Variants in RFX3 observed in about 807,000 individuals in gnomAD.
RFX3 encodes regulatory factor X3, also known as transcription factor RFX3.
Under a neutral mutation model 98.6 loss-of-function variants are expected in RFX3, and 14 were observed. The observed-to-expected ratio is 0.14, with a 90% confidence interval of 0.09 to 0.22. RFX3 has a LOEUF of 0.22. Among genes scored for constraint, RFX3 ranks in the 10% least tolerant of loss-of-function variants. RFX3 has a pLI of 1.00. For synonymous variants in RFX3, 383 were observed against 328.4 expected (o/e 1.17, Z -1.80); for missense variants, 639 against 926.9 (o/e 0.69, Z 4.03).
In RFX3 at chr9:3,287,030, C is replaced by T. The variant is rs114455552; in HGVS notation, c.851+1101G>A. 7.4e-3 allele frequency among the ~76,000 whole-genome samples: 1,126 copies of T among 152,020 alleles called. 7 individuals carry two copies. Among genetic ancestry groups the T allele is most frequent in the African/African-American group, 0.025 (1,055 of 41,536 alleles). On this transcript the variant is annotated intron_variant, in intron 7 of 16. Transcript: ENST00000617270. ...AAGTTTTATTTTAGCACTTCCCAGA[C>T]TGTATTCCATTTTTTTTCCATTCTC...
At chr9:3,362,694 T>A (rs893323892) in intron 2 of RFX3, among the ~76,000 whole-genome samples, 1 of 152,212 alleles carries the variant, frequency 6.6e-6, no homozygotes, top group Admixed American at 6.5e-5. Context: ...AAGGCTAACA[T>A]AGCAGTAGGG....
At chr9:3,293,054 T>C (rs764913837) in intron 6 of RFX3, 23 bp downstream of exon 6, 2 of 1,568,156 alleles carry the variant, frequency 1.3e-6, no homozygotes, top group Non-Finnish European at 1.7e-6. Flanking sequence ...GATTAGTTTA[T>C]GATCTTATTT....
In RFX3 at chr9:3,525,816, AAGAG is replaced by A; in HGVS notation, c.-82_-79del. On this transcript the variant is annotated 5_prime_UTR_variant, in exon 1 of 17. Transcript: ENST00000617270. ...GGTGGTGGTGGGGAGGAGGAGGAGG[AAGAG>A]GAGGAGGAGGAGGAGAGGAGTAGTT... is the stretch of plus-strand genomic sequence containing the variant. 1.2e-6 allele frequency: 1 copy of A among 848,114 alleles called. No homozygotes were observed. Among genetic ancestry groups the A allele is most frequent in the Non-Finnish European group, 1.4e-6 (1 of 704,024 alleles). 52.5% of individuals were successfully genotyped at this position (848,114 alleles called of 1,614,324 possible).
chr9:3,310,490 A>T (rs1829833875), intron 4 of RFX3, among the ~76,000 whole-genome samples: 1 of 152,226 alleles, frequency 6.6e-6, no homozygotes, highest in African/African-American at 2.4e-5. Context: ...GATATATTCA[A>T]CTATCACTGT....
intron 2 of RFX3, among the ~76,000 whole-genome samples, chr9:3,392,141 G>C (rs1443529031): frequency 7.2e-5 from 11 of 152,080 alleles, no homozygotes; most frequent in Admixed American, 7.2e-4. Flanking sequence ...CCATTTTGAA[G>C]TCAACAAGAC....
intron 2 of RFX3, among the ~76,000 whole-genome samples, chr9:3,360,156 T>A (rs1836242686): frequency 6.6e-6 from 1 of 152,128 alleles, no homozygotes; most frequent in African/African-American, 2.4e-5. Context: ...AGAGAAGAGA[T>A]AATTAAATAA....
intron 3 of RFX3, among the ~76,000 whole-genome samples, chr9:3,341,363 C>T (rs1417518048): frequency 6.6e-6 from 1 of 151,368 alleles, no homozygotes; most frequent in Non-Finnish European, 1.5e-5. Flanking sequence ...ATGTAACAAA[C>T]CTGCACATTG....
intron 4 of RFX3, among the ~76,000 whole-genome samples, chr9:3,329,422 AAAAAAACAAAAAAC>A (rs1316776380): frequency 6.7e-6 from 1 of 150,068 alleles, no homozygotes; most frequent in African/African-American, 2.5e-5. Context: ...AAAAAAAAAA[AAAAAAACAAAAAAC>A]CACCAAACAA....
At chr9:3,259,393 G>A (rs1214865243) in intron 13 of RFX3, among the ~76,000 whole-genome samples, 1 of 151,626 alleles carries the variant, frequency 6.6e-6, no homozygotes, top group African/African-American at 2.4e-5. Flanking sequence ...ACTCTCTAAA[G>A]TGAAAATATA....
At chr9:3,417,308 T>G (rs188226691) in intron 1 of RFX3, among the ~76,000 whole-genome samples, 12 of 152,170 alleles carry the variant, frequency 7.9e-5, no homozygotes, top group Admixed American at 6.5e-5. Flanking sequence ...ATAAAAAAAT[T>G]TGAACAGCAT....
At chr9:3,336,844 C>T (rs572035452) in intron 3 of RFX3, among the ~76,000 whole-genome samples, 17 of 152,210 alleles carry the variant, frequency 1.1e-4, no homozygotes, top group African/African-American at 3.9e-4. Flanking sequence ...GTGCTTATTA[C>T]ACTTAATGAG....
rs1273431301 is a variant in RFX3 at position 3,225,088 on chromosome 9, G to C, written c.2204C>G (p.Thr735Ser). Residue 735 changes from threonine (T) to serine (S), a missense_variant, in exon 17 of 17, where the codon ACT becomes AGT. Physicochemically the swap from Thr to Ser is moderately conservative, Grantham distance 58. Around this residue, in one of 9 missense-constraint regions of RFX3, gnomAD observed 129 missense variants for 124.6 expected, o/e 1.04. Coordinates refer to ENST00000617270, the MANE Select transcript of RFX3 (RefSeq NM_001282116.2). ...TCCTGTAGCGCTGCACTGTCTGATA[G>C]TCTGAGTACTTGTGACAATGTGCTC... ...HSEHIVTSTQTIRQCSATGNT... is the reference protein window; with the variant it reads ...HSEHIVTSTQSIRQCSATGNT... The C allele has an allele frequency of 2.5e-6, 4 of 1,613,954 alleles. No homozygotes were observed. The East Asian group carries it at 8.9e-5, about 36-fold the overall frequency.
chr9:3,276,626 C>T (rs1034308045), intron 8 of RFX3, among the ~76,000 whole-genome samples: 3 of 152,018 alleles, frequency 2.0e-5, no homozygotes, highest in Admixed American at 6.6e-5. Context: ...ACCTGAGAGT[C>T]TATTTTAGTT....
At chr9:3,392,945 C>G (rs1422835283) in intron 2 of RFX3, among the ~76,000 whole-genome samples, 1 of 151,022 alleles carries the variant, frequency 6.6e-6, no homozygotes, top group Non-Finnish European at 1.5e-5. Context: ...ACTGAATTTA[C>G]TGAAATTAAA....
intron 16 of RFX3, 100 bp downstream of exon 16, chr9:3,228,747 C>T (rs1428239862): frequency 2.1e-6 from 2 of 933,560 alleles, no homozygotes; most frequent in South Asian, 2.1e-5. Flanking sequence ...TATGCCACTT[C>T]CACAAAATCA....
At chr9:3,276,464 G>A (rs1392606787) in intron 8 of RFX3, among the ~76,000 whole-genome samples, 1 of 152,062 alleles carries the variant, frequency 6.6e-6, no homozygotes, top group South Asian at 2.1e-4. Flanking sequence ...AGTTTTCTAG[G>A]TAATCCAGAA....
intron 2 of RFX3, among the ~76,000 whole-genome samples, chr9:3,358,019 G>C (rs1015292461): frequency 1.3e-5 from 2 of 151,968 alleles, no homozygotes; most frequent in Non-Finnish European, 2.9e-5. Context: ...TTCTCAACTG[G>C]TTTTCTTCAT....
intron 4 of RFX3, among the ~76,000 whole-genome samples, chr9:3,315,379 T>C (rs1182912835): frequency 6.6e-6 from 1 of 152,160 alleles, no homozygotes; most frequent in African/African-American, 2.4e-5. Flanking sequence ...AAGCAGTGTG[T>C]AGAGAGAAAT....
intron 2 of RFX3, among the ~76,000 whole-genome samples, chr9:3,357,080 A>C (rs765746858): frequency 2.0e-5 from 3 of 151,930 alleles, no homozygotes; most frequent in Non-Finnish European, 4.4e-5. Context: ...TAATAGTAGG[A>C]GACAGATCTT....
Sources: gnomAD v4.1 joint callset for allele counts (sites outside exome capture counted in the v4.1 genomes callset) on GRCh38, gnomAD v4.1.1 for gene constraint, gnomAD v4.1.1 regional missense constraint, MANE v1.5 for transcripts, NCBI Gene and HGNC (gene_info 2026-07-23, HGNC 2026-07-21) for gene names.